HSF5: variants seen among roughly 807,000 people sequenced by gnomAD.
HSF5 encodes heat shock factor protein 5.
A neutral mutation model predicts 50.8 loss-of-function variants in HSF5; 5 were observed. The observed-to-expected ratio is 0.10, with a 90% CI of 0.05 to 0.21. The LOEUF (loss-of-function observed/expected upper bound fraction) is 0.21, where lower values mean the gene tolerates loss of function less well. Among genes scored for constraint, HSF5 ranks in the 10% least tolerant of loss-of-function variants. HSF5 has a pLI of 1.00. For synonymous variants in HSF5, 307 were observed against 307.4 expected, an observed-to-expected ratio of 1.00 and a Z score of 0.02; for missense variants, 564 against 762.6, an observed-to-expected ratio of 0.74 and a Z score of 3.07.
chr17:58,452,735 G>A (rs1383978113), intron 5 of HSF5, among the ~76,000 whole-genome samples: 2 of 152,248 alleles, frequency 1.3e-5, no homozygotes, highest in Admixed American at 1.3e-4. Flanking sequence ...TGCGATGTGA[G>A]GAGCACCTCT....
chr17:58,435,200 A>G (rs1176377109), intron 5 of HSF5, among the ~76,000 whole-genome samples: 1 of 152,172 alleles, frequency 6.6e-6, no homozygotes, highest in Admixed American at 6.5e-5. Flanking sequence ...TGGGGAATAT[A>G]TTGACTAGAA....
At position 58,432,928 on chromosome 17, in the gene HSF5, G is replaced by A. The variant is rs193212098; in HGVS notation, c.1721-10498C>T. Among the ~76,000 whole-genome samples the A allele has an allele frequency of 1.5e-3, 230 of 152,280 alleles. 1 individual carries two copies. The highest frequency in any genetic ancestry group is 2.3e-3 in the Non-Finnish European group (159 of 68,026). On this transcript the variant is annotated intron_variant, in intron 5 of 5. Coordinates refer to ENST00000323777, the MANE Select transcript of HSF5 (RefSeq NM_001080439.3). ...AGTGAGCTGATAAGATTTGCTGATG[G>A]ACTGGACATGTGAGAGAAGGGAGTC...
Position 58,488,108 on chromosome 17 carries a change from G to A in HSF5, c.167C>T (p.Pro56Leu). 7.1e-7 allele frequency: 1 copy of A among 1,414,236 alleles called. No individual in the cohort carries two copies. The highest frequency in any genetic ancestry group is 2.1e-4 in the Middle Eastern group (1 of 4,750). 87.6% of individuals were successfully genotyped at this position (1,414,236 alleles called of 1,614,324 possible). A position where few individuals can be genotyped will look rare whatever the true frequency, so the allele number is the denominator to read the frequency against. Residue 56 changes from proline to leucine, a missense_variant, in exon 1 of 6, where the codon CCG becomes CTG. Transcript: ENST00000323777. The surrounding 1 kb of genome is among the most constrained non-coding windows in gnomAD (Gnocchi z 4.1). ...FEAELLSPPG[P>L]GGGGGTAGAG... is the part of the protein sequence containing the mutation. ...CCCCGCAGTCCCGCCACCGCCCCCC[G>A]GCCCGGGCGGGCTGAGCAGCTCGGC...
chr17:58,432,879 G>T (rs1974382444), intron 5 of HSF5, among the ~76,000 whole-genome samples: 1 of 152,170 alleles, frequency 6.6e-6, no homozygotes, highest in Admixed American at 6.5e-5. Context: ...GTGAGAAATG[G>T]TCAGATTCTG....
At chr17:58,487,082 AT>A (rs919941640) in intron 1 of HSF5, among the ~76,000 whole-genome samples, 18 of 151,388 alleles carry the variant, frequency 1.2e-4, no homozygotes, top group African/African-American at 4.4e-4. Flanking sequence ...TAATTTTTGT[AT>A]TTTTAGTAGA....
rs150927032 is a variant in HSF5 at position 58,434,544 on chromosome 17, C to T, written c.1721-12114G>A. On this transcript the variant is annotated intron_variant, in intron 5 of 5. Transcript: ENST00000323777. ...CCAGCCTGGCAACAGAGCTAGACTCCATCTCAAAAAAAAAAAAAAGATAAA... is the reference window on the plus strand; with the variant it reads ...CCAGCCTGGCAACAGAGCTAGACTCTATCTCAAAAAAAAAAAAAAGATAAA... 8.3e-3 allele frequency among the ~76,000 whole-genome samples: 1,222 copies of T among 147,376 alleles called. 13 individuals are homozygous for T. The highest frequency in any genetic ancestry group is 0.029 in the African/African-American group (1,155 of 39,880).
At chr17:58,454,679 T>C (rs1452992745) in intron 5 of HSF5, among the ~76,000 whole-genome samples, 4 of 152,218 alleles carry the variant, frequency 2.6e-5, no homozygotes, top group African/African-American at 9.6e-5. Flanking sequence ...AGTGTTTCTC[T>C]ATATGCCAAT....
intron 5 of HSF5, among the ~76,000 whole-genome samples, chr17:58,450,316 G>GCAACAAGAGCGAAACTCCA (rs1187305409): frequency 7.3e-6 from 1 of 137,768 alleles, no homozygotes; most frequent in Non-Finnish European, 1.5e-5. Context: ...TCCAGCCTGG[G>GCAACAAGAGCGAAACTCCA]TGAGAGAGTG....
At chr17:58,484,246 ATAACT>A (rs1426204904) in intron 1 of HSF5, among the ~76,000 whole-genome samples, 2 of 152,108 alleles carry the variant, frequency 1.3e-5, no homozygotes, top group Admixed American at 6.5e-5. Context: ...CATGAAAACA[ATAACT>A]TAGTTATATA....
At chr17:58,457,783 C>T (rs1458254338) in intron 5 of HSF5, among the ~76,000 whole-genome samples, 1 of 152,126 alleles carries the variant, frequency 6.6e-6, no homozygotes, top group Non-Finnish European at 1.5e-5. Flanking sequence ...AAGGCTCATG[C>T]CATTGTGTTA....
chr17:58,476,406 C>T (rs1195502625), intron 2 of HSF5: 3 of 1,010,430 alleles, frequency 3.0e-6, no homozygotes, highest in Admixed American at 3.4e-5. Flanking sequence ...CCTCATGCTG[C>T]CTCTTCCTGC....
In HSF5 at chr17:58,462,849, A is replaced by C; in HGVS notation, c.1475T>G (p.Leu492Arg). 6.2e-7 allele frequency: 1 copy of C among 1,614,016 alleles called. No homozygotes were observed. The highest frequency in any genetic ancestry group is 8.5e-7 in the Non-Finnish European group (1 of 1,179,940). ...QQAHVKLKEH[L>R]NHNPSPSSVV... is the part of the protein sequence containing the mutation. ...TGAAGATGGAGATGGATTATGATTTAGGTGCTCCTTCAGTTTGACATGAGC... is the reference window on the plus strand; with the variant it reads ...TGAAGATGGAGATGGATTATGATTTCGGTGCTCCTTCAGTTTGACATGAGC... Residue 492 changes from leucine (L) to arginine (R), a missense_variant, in exon 4 of 6, where the codon CTA becomes CGA. Physicochemically the swap from Leu to Arg is moderately radical, Grantham distance 102. Transcript: ENST00000323777.
intron 2 of HSF5, among the ~76,000 whole-genome samples, chr17:58,471,733 G>A (rs922489946): frequency 2.2e-4 from 33 of 151,324 alleles, no homozygotes; most frequent in African/African-American, 7.8e-4. Context: ...CTACAGGCAT[G>A]AGCCACCATG....
At chr17:58,436,261 A>T (rs1974426107) in intron 5 of HSF5, among the ~76,000 whole-genome samples, 1 of 152,138 alleles carries the variant, frequency 6.6e-6, no homozygotes, top group Non-Finnish European at 1.5e-5. Context: ...GTTTTCATAG[A>T]CCAACTGCTA....
rs764778535 is a variant in HSF5 at position 58,466,894 on chromosome 17, G to C, written c.1011C>G (p.Asn337Lys). 13 of 1,593,082 alleles carry C rather than the reference G, an allele frequency of 8.2e-6. No homozygotes were observed. In the African/African-American group the frequency reaches 1.7e-4, roughly 21 times the overall value. The stretch of plus-strand genomic sequence containing the variant: ...GTTGCAAGAATCTTACCTGGAAGTA[G>C]TTGCAGTGTGCATAGGAAGAGGCAG... ...TPTASSYAHCNYFQNPSMQSS... is the reference protein window; with the variant it reads ...TPTASSYAHCKYFQNPSMQSS... Residue 337 changes from asparagine to lysine, a missense_variant, in exon 3 of 6, where the codon AAC (asparagine) becomes AAG (lysine). Around this residue, in one of 5 missense-constraint regions of HSF5, gnomAD observed 441 missense variants for 533.6 expected, o/e 0.83. Transcript: ENST00000323777.
intron 4 of HSF5, among the ~76,000 whole-genome samples, chr17:58,460,801 G>A (rs543584691): frequency 2.6e-5 from 4 of 151,692 alleles, no homozygotes; most frequent in Admixed American, 2.0e-4. Context: ...GAGCCACTGC[G>A]CCTGGCCAAG....
chr17:58,424,611 CAAA>C (rs56721938), intron 5 of HSF5, among the ~76,000 whole-genome samples: 6 of 70,122 alleles, frequency 8.6e-5, no homozygotes, highest in Admixed American at 1.7e-4. Flanking sequence ...GACTCCGTCT[CAAA>C]AAAAAAAAAA....
At chr17:58,456,383 A>G (rs1022242549) in intron 5 of HSF5, among the ~76,000 whole-genome samples, 1 of 152,194 alleles carries the variant, frequency 6.6e-6, no homozygotes, top group Non-Finnish European at 1.5e-5. Context: ...AGAAGAAAGT[A>G]GAATAGTAAA....
intron 5 of HSF5, among the ~76,000 whole-genome samples, chr17:58,425,593 A>AC (rs1974286735): frequency 6.6e-6 from 1 of 150,800 alleles, no homozygotes; most frequent in South Asian, 2.1e-4. Flanking sequence ...AAAAAAAAAA[A>AC]AAAAAAAAAC....
Sources: gnomAD v4.1 joint callset for allele counts (sites outside exome capture counted in the v4.1 genomes callset) on GRCh38, gnomAD v4.1.1 for gene constraint, gnomAD v4.1.1 regional missense constraint, Gnocchi (gnomAD v3.1) non-coding constraint, MANE v1.5 for transcripts, NCBI Gene and HGNC (gene_info 2026-07-23, HGNC 2026-07-21) for gene names.